The following STAG2 variants were observed in gnomAD, a reference collection of about 807,000 sequenced individuals.
STAG2 encodes STAG2 cohesin complex component.
Under a neutral mutation model 108.1 loss-of-function variants are expected in STAG2, and 14 were observed. The observed-to-expected ratio is 0.13, with a 90% confidence interval of 0.09 to 0.20. The LOEUF (loss-of-function observed/expected upper bound fraction) is 0.20, where lower values mean the gene tolerates loss of function less well. Among genes scored for constraint, STAG2 ranks in the 10% least tolerant of loss-of-function variants. STAG2 has a pLI of 1.00. For synonymous variants in STAG2, 307 were observed against 302.7 expected, an observed-to-expected ratio of 1.01 and a Z score of -0.15; for missense variants, 440 against 940.9, an observed-to-expected ratio of 0.47 and a Z score of 6.96.
intron 1 of STAG2, among the ~76,000 whole-genome samples, chrX:124,009,603 G>C (rs1264694626): frequency 9.0e-6 from 1 of 111,141 alleles, no homozygotes; most frequent in Non-Finnish European, 1.9e-5. Flanking sequence ...TATGCTAACC[G>C]TTGGATGCAG....
chrX:124,050,485 A>G (rs1220719022), intron 11 of STAG2, among the ~76,000 whole-genome samples, 176 bp downstream of exon 11: 1 of 111,504 alleles, frequency 9.0e-6, no homozygotes, highest in African/African-American at 3.3e-5. Context: ...AGTCTGCTAG[A>G]TATTTTTGAA....
At chrX:124,003,092 C>T (rs1378082649) in intron 1 of STAG2, among the ~76,000 whole-genome samples, 4 of 108,330 alleles carry the variant, frequency 3.7e-5, no homozygotes, top group African/African-American at 1.0e-4. Flanking sequence ...CTCAGCCTCC[C>T]GAGTAGCTGG....
At chrX:124,036,816 C>T (rs776820574) in intron 5 of STAG2, among the ~76,000 whole-genome samples, 129 of 111,318 alleles carry the variant, frequency 1.2e-3, no homozygotes, top group African/African-American at 3.9e-3. Context: ...ATAAAATTTA[C>T]CCTTTAAAGT....
chrX:124,034,472 A>T (rs2057444017), intron 5 of STAG2, among the ~76,000 whole-genome samples: 2 of 112,056 alleles, frequency 1.8e-5, no homozygotes, highest in Non-Finnish European at 3.8e-5. Context: ...ACCAAATTTG[A>T]TGGAGGAAGT....
chrX:124,066,801 T>C (rs2058542426), intron 23 of STAG2, among the ~76,000 whole-genome samples: 1 of 91,531 alleles, frequency 1.1e-5, no homozygotes, highest in South Asian at 7.5e-4. Flanking sequence ...GATAACCTTA[T>C]TCATATTCAA....
intron 1 of STAG2, among the ~76,000 whole-genome samples, chrX:123,975,759 C>T (rs1042823838): frequency 8.0e-5 from 9 of 112,220 alleles, no homozygotes; most frequent in Middle Eastern, 4.7e-3. Context: ...CCACCATGCC[C>T]TGCGGAATAT....
intron 27 of STAG2, among the ~76,000 whole-genome samples, chrX:124,078,264 G>GA (rs2058851090): frequency 8.9e-6 from 1 of 112,064 alleles, no homozygotes; most frequent in African/African-American, 3.2e-5. Flanking sequence ...AGGAAATATA[G>GA]ATATGGTAGG....
chrX:124,061,097 C>G, intron 15 of STAG2, 127 bp from the exon 16 acceptor site: 1 of 424,782 alleles, frequency 2.4e-6, no homozygotes. Context: ...GTCCTTTCAT[C>G]TATTTGACGT....
At chrX:123,963,312 C>T (rs2053954658) in intron 1 of STAG2, 1 of 111,038 alleles carries the variant, frequency 9.0e-6, no homozygotes, top group Non-Finnish European at 1.9e-5. Flanking sequence ...TGTAGCCTAG[C>T]GCGTTGCGTT....
At chrX:124,057,818 AT>A in intron 14 of STAG2, 47 bp from the exon 15 acceptor site, 1 of 889,147 alleles carries the variant, frequency 1.1e-6, no homozygotes, top group Non-Finnish European at 1.5e-6. Context: ...TTATTAGAAA[AT>A]TTTTTGTTGT....
intron 33 of STAG2, 95 bp downstream of exon 33, chrX:124,094,239 A>G (rs2059325163): frequency 1.0e-6 from 1 of 958,386 alleles, no homozygotes; most frequent in Admixed American, 3.0e-5. Flanking sequence ...TTACCAAGAG[A>G]AGTAAGTTTT....
intron 15 of STAG2, among the ~76,000 whole-genome samples, chrX:124,059,692 G>A (rs979179708): frequency 2.3e-4 from 25 of 111,088 alleles, no homozygotes; most frequent in African/African-American, 7.9e-4. Flanking sequence ...ACAGTGTCTT[G>A]CTCTGTCACT....
intron 1 of STAG2, among the ~76,000 whole-genome samples, chrX:123,978,212 G>A (rs1184148869): frequency 1.9e-5 from 2 of 104,035 alleles, no homozygotes; most frequent in African/African-American, 7.1e-5. Flanking sequence ...GGATGTGCAG[G>A]TTTGTTAACA....
At chrX:124,094,358 CTGTT>C (rs933021963) in intron 33 of STAG2, among the ~76,000 whole-genome samples, 6 of 111,045 alleles carry the variant, frequency 5.4e-5, no homozygotes, top group African/African-American at 1.3e-4. Flanking sequence ...TAACAATTGT[CTGTT>C]TGTTTCTGAG....
chrX:124,084,437 G>C (rs1409187108), intron 29 of STAG2, among the ~76,000 whole-genome samples: 2 of 109,991 alleles, frequency 1.8e-5, no homozygotes, highest in Non-Finnish European at 3.8e-5. Flanking sequence ...TCCTGCCTCA[G>C]CCTCCTGCGT....
chrX:124,028,822 A>ATTTTTTTT (rs767163177), intron 4 of STAG2, among the ~76,000 whole-genome samples: 10 of 38,984 alleles, frequency 2.6e-4, no homozygotes, highest in African/African-American at 1.0e-3. Context: ...ATATATATAT[A>ATTTTTTTT]TTTTTTTTTT....
intron 1 of STAG2, among the ~76,000 whole-genome samples, chrX:124,010,037 A>C (rs1256165843): frequency 9.0e-6 from 1 of 111,507 alleles, no homozygotes; most frequent in Non-Finnish European, 1.9e-5. Context: ...TTTAGTAGAA[A>C]GGTGTTCTTA....
intron 20 of STAG2, among the ~76,000 whole-genome samples, chrX:124,064,467 G>A (rs1405258037): frequency 9.5e-6 from 1 of 104,896 alleles, no homozygotes; most frequent in South Asian, 4.2e-4. Flanking sequence ...TTTTGGAGAC[G>A]GAGTCTTTCT....
At chrX:123,964,910 C>CTT (rs914016435) in intron 1 of STAG2, among the ~76,000 whole-genome samples, 2 of 107,992 alleles carry the variant, frequency 1.9e-5, no homozygotes, top group African/African-American at 6.8e-5. Flanking sequence ...CTTGGTCTCC[C>CTT]TTAATTAGTG....
Sources: allele counts gnomAD v4.1 joint callset (sites outside exome capture counted in the v4.1 genomes callset), GRCh38; gene constraint gnomAD v4.1.1; transcripts MANE v1.5; gene names NCBI Gene and HGNC (gene_info 2026-07-23, HGNC 2026-07-21).